The following CCL28 variants were observed in gnomAD, a reference collection of about 807,000 sequenced individuals.
CCL28 encodes the protein C-C motif chemokine 28.
CCL28 carries 4 observed loss-of-function variants against 7.1 expected under a neutral mutation model. The ratio of observed to expected loss-of-function variants is 0.56; its 90% CI spans 0.28 to 1.29. The LOEUF is 1.29. CCL28 is among the 50% of genes most tolerant of loss of function. The pLI, the probability that CCL28 is intolerant of heterozygous loss-of-function variation, is 0.11. For missense variants in CCL28, 151 were observed against 163.4 expected (o/e 0.92, Z 0.41); for synonymous variants, 55 against 57.8 (o/e 0.95, Z 0.22).
intron 1 of CCL28, among the ~76,000 whole-genome samples, chr5:43,408,603 C>G (rs1485118004): frequency 1.3e-5 from 2 of 151,976 alleles, no homozygotes; most frequent in Non-Finnish European, 2.9e-5. Flanking sequence ...CAAACCTGCA[C>G]ATTGTGCACA....
intron 1 of CCL28, among the ~76,000 whole-genome samples, chr5:43,399,222 A>G (rs1740936355): frequency 6.6e-6 from 1 of 152,186 alleles, no homozygotes; most frequent in East Asian, 1.9e-4. Flanking sequence ...TCCCATGGCC[A>G]GTCAAACTCC....
downstream of CCL28, among the ~76,000 whole-genome samples, chr5:43,375,648 G>A (rs1006353053): frequency 6.6e-6 from 1 of 152,030 alleles, no homozygotes; most frequent in African/African-American, 2.4e-5. Flanking sequence ...TGCACAAGTG[G>A]TCATCTCAAG....
At chr5:43,396,403 A>G (rs1366232086) in intron 1 of CCL28, among the ~76,000 whole-genome samples, 4 of 152,106 alleles carry the variant, frequency 2.6e-5, no homozygotes, top group Non-Finnish European at 4.4e-5. Context: ...CTTAGATGGG[A>G]ATGCAGCTTA....
chr5:43,381,792 T>C lies in CCL28; in HGVS notation c.*68A>G. The C allele has an allele frequency of 3.0e-6, 4 of 1,317,590 alleles. No individual in the cohort carries two copies. The highest frequency in any genetic ancestry group is 4.2e-6 in the Non-Finnish European group (4 of 944,922). The allele number at this position is 1,317,590 out of a possible 1,614,324, so 81.6% of individuals were successfully genotyped here. On this transcript the variant is annotated 3_prime_UTR_variant, in exon 3 of 3. Coordinates refer to ENST00000361115, the MANE Select transcript of CCL28 (RefSeq NM_148672.3). The stretch of plus-strand genomic sequence containing the variant: ...TCTACAATAAGGAGAATTCAGATGA[T>C]AAACTTACAACCAATCATGGCCAAG...
intron 1 of CCL28, among the ~76,000 whole-genome samples, chr5:43,406,018 C>T (rs928221540): frequency 4.0e-5 from 6 of 151,662 alleles, no homozygotes; most frequent in African/African-American, 1.5e-4. Flanking sequence ...GCCTACCAAC[C>T]AAAAAAAGTC....
At chr5:43,386,290 A>G (rs1371922467) in intron 2 of CCL28, among the ~76,000 whole-genome samples, 5 of 152,242 alleles carry the variant, frequency 3.3e-5, no homozygotes, top group Admixed American at 3.3e-4. Context: ...AAGATTAAAT[A>G]AAAGACTGGT....
chr5:43,379,944 AC>A lies in CCL28; in HGVS notation c.*1915del, dbSNP rs971947293. 1.3e-5 allele frequency: 2 copies of A among 151,922 alleles called. No individual in the cohort carries two copies. The highest frequency in any genetic ancestry group is 1.3e-4 in the Admixed American group (2 of 15,240). 9.4% of individuals were successfully genotyped at this position (151,922 alleles called of 1,614,324 possible). ...AGACCAGCCCGGCCAACGTGGGAAA[AC>A]CCCGTCTCTACTAAAAATACAAAAA... is the stretch of plus-strand genomic sequence containing the variant. On this transcript the variant is annotated 3_prime_UTR_variant, in exon 3 of 3. Transcript: ENST00000361115.
rs748391100 is a variant in CCL28 at position 43,412,279 on chromosome 5, A to T, written c.38T>A (p.Val13Asp). The T allele has an allele frequency of 5.0e-6, 8 of 1,612,854 alleles. No individual in the cohort carries two copies. The Admixed American group carries it at 1.3e-4, about 27-fold the overall frequency. The change falls in exon 1 of 3, where the codon GTC becomes GAC. Residue 13 changes from valine (V) to aspartate (D), a missense_variant. Transcript: ENST00000361115. ...QRGLAIVALAVCAALHASEAI... is the reference protein window; with the variant it reads ...QRGLAIVALADCAALHASEAI... ...TTCTGAGGCATGTAGGGCCGCACAG[A>T]CAGCCAAGGCCACGATGGCGAGTCC...
intron 1 of CCL28, among the ~76,000 whole-genome samples, chr5:43,406,220 T>G (rs1445813299): frequency 6.6e-6 from 1 of 152,064 alleles, no homozygotes; most frequent in South Asian, 2.1e-4. Context: ...ACCAATATCC[T>G]TGATGAACAT....
chr5:43,382,003 C>A lies in CCL28; in HGVS notation c.241G>T (p.Val81Phe), dbSNP rs1423328048. 1 of 1,614,116 alleles carries A rather than the reference C, an allele frequency of 6.2e-7. No homozygotes were observed. Among genetic ancestry groups the A allele is most frequent in the Admixed American group, 1.7e-5 (1 of 60,010 alleles). ...RICVSPHNHT[V>F]KQWMKVQAAK... ...GCTTGCACTTTCATCCACTGCTTAA[C>A]AGTATGGTTGTGCGGGCTGACACAG... The change falls in exon 3 of 3, where the codon GTT (valine) becomes TTT (phenylalanine). Residue 81 changes from valine (V) to phenylalanine (F), a missense_variant. By Grantham distance (50) the Val-to-Phe change is conservative (BLOSUM62 -1). Transcript: ENST00000361115.
chr5:43,382,327 G>C (rs973454636), intron 2 of CCL28, among the ~76,000 whole-genome samples: 3 of 152,086 alleles, frequency 2.0e-5, no homozygotes, highest in African/African-American at 7.2e-5. Context: ...GGATGAGGAA[G>C]AGAAGAAGGA....
At chr5:43,360,620 T>A in the CCL28 span, among the ~76,000 whole-genome samples, 1 of 152,178 alleles carries the variant, frequency 6.6e-6, no homozygotes, top group Admixed American at 6.5e-5. Flanking sequence ...TATGGCTGCA[T>A]AGTATTTCAT....
the CCL28 span, among the ~76,000 whole-genome samples, chr5:43,368,818 A>T: frequency 6.6e-6 from 1 of 152,052 alleles, no homozygotes. Flanking sequence ...TGTGGGACAG[A>T]ACCCTCCTTC....
chr5:43,397,155 A>T (rs1036472164), intron 1 of CCL28: 1 of 152,286 alleles, frequency 6.6e-6, no homozygotes, highest in African/African-American at 2.4e-5. Context: ...GTGGAGTCCC[A>T]GGCAGCGCGT....
At chr5:43,391,196 C>T (rs1477444221) in intron 1 of CCL28, among the ~76,000 whole-genome samples, 2 of 151,978 alleles carry the variant, frequency 1.3e-5, no homozygotes, top group African/African-American at 2.4e-5. Context: ...AAGGTGGTGG[C>T]ATTTGAGCTG....
the CCL28 span, among the ~76,000 whole-genome samples, chr5:43,364,670 A>G: frequency 6.6e-6 from 1 of 152,124 alleles, no homozygotes; most frequent in African/African-American, 2.4e-5. Flanking sequence ...AAAGTCTCCC[A>G]TTATTATTGT....
chr5:43,410,266 G>A (rs1741482328), intron 1 of CCL28, among the ~76,000 whole-genome samples: 2 of 152,298 alleles, frequency 1.3e-5, no homozygotes, highest in East Asian at 1.9e-4. Context: ...AGGGCACCTG[G>A]CTTACATGGA....
Position 43,380,526 on chromosome 5 carries a change from C to A in CCL28, c.*1334G>T, listed in dbSNP as rs1012111654. ...ATCACAAGAAAATAATTAGGCCAGG[C>A]ACTGTGGCTCACACCTATAATCCCA... On this transcript the variant is annotated 3_prime_UTR_variant, in exon 3 of 3. Coordinates refer to ENST00000361115, the MANE Select transcript of CCL28 (RefSeq NM_148672.3). The A allele has an allele frequency of 6.6e-6, 1 of 152,162 alleles. No individual in the cohort carries two copies. Among genetic ancestry groups the A allele is most frequent in the Non-Finnish European group, 1.5e-5 (1 of 68,036 alleles). The allele number at this position is 152,162 out of a possible 1,614,324, so 9.4% of individuals were successfully genotyped here.
At chr5:43,389,843 A>G (rs1740498739) in intron 1 of CCL28, among the ~76,000 whole-genome samples, 1 of 152,242 alleles carries the variant, frequency 6.6e-6, no homozygotes, top group Non-Finnish European at 1.5e-5. Context: ...AAAATATAAG[A>G]GGCCAGGAAA....
Sources: gnomAD v4.1 joint callset for allele counts (sites outside exome capture counted in the v4.1 genomes callset) on GRCh38, gnomAD v4.1.1 for gene constraint, MANE v1.5 for transcripts, NCBI Gene and HGNC (gene_info 2026-07-23, HGNC 2026-07-21) for gene names.